Variants in RPH3A observed in about 807,000 individuals in gnomAD.
The protein encoded by RPH3A is rabphilin-3A.
In RPH3A, 48 loss-of-function variants were observed where a neutral mutation model predicts 102.2. That is an observed-to-expected ratio of 0.47 (90% confidence interval 0.37 to 0.60). The LOEUF is 0.60. Ranked by LOEUF, RPH3A falls within the 20% of genes least tolerant of loss-of-function variation. RPH3A has a pLI of 0.00. For missense variants in RPH3A, 781 were observed against 910.1 expected (o/e 0.86, Z 1.83); for synonymous variants, 310 against 324.3 (o/e 0.96, Z 0.47).
At chr12:112,603,370 G>A (rs2039571766) in intron 1 of RPH3A, among the ~76,000 whole-genome samples, 1 of 152,138 alleles carries the variant, frequency 6.6e-6, no homozygotes, top group Non-Finnish European at 1.5e-5. Context: ...GCACAAGAAA[G>A]AATTCTGGGT....
intron 4 of RPH3A, among the ~76,000 whole-genome samples, chr12:112,844,154 G>T (rs2042192522): frequency 6.6e-6 from 1 of 152,186 alleles, no homozygotes; most frequent in Admixed American, 6.5e-5. Context: ...CCCTGACCCT[G>T]GGTGTGGGCA....
intron 4 of RPH3A, among the ~76,000 whole-genome samples, chr12:112,840,056 T>C (rs2042116110): frequency 6.6e-6 from 1 of 152,198 alleles, no homozygotes; most frequent in Non-Finnish European, 1.5e-5. Context: ...TCACATGGCA[T>C]AGGGCATGGA....
intron 2 of RPH3A, among the ~76,000 whole-genome samples, chr12:112,805,059 C>A (rs948139648): frequency 2.0e-5 from 3 of 152,098 alleles, no homozygotes; most frequent in African/African-American, 7.2e-5. Context: ...AAACCTCTAT[C>A]CTGACCATAT....
rs1287723013 is a variant in RPH3A, at chr12:112,868,579, C to T, written c.594C>T (p.Ala198=). 6.2e-7 allele frequency: 1 copy of T among 1,614,048 alleles called. No individual in the cohort carries two copies. Among genetic ancestry groups the T allele is most frequent in the Non-Finnish European group, 8.5e-7 (1 of 1,179,974 alleles). Residue 198 remains alanine (A), a synonymous_variant, in exon 8 of 22, where the codon GCC becomes GCT. Coordinates refer to ENST00000389385, the MANE Select transcript of RPH3A (RefSeq NM_001143854.2). ...EQPAPEPKHP[A]RAPARGDSED... is the part of the protein sequence containing the mutation. ...CTGCTCCTGAGCCCAAGCACCCTGC[C>T]CGGGCTCCAGCTCGAGGTAGGACAA...
intron 7 of RPH3A, chr12:112,868,165 A>G: frequency 7.3e-6 from 3 of 408,622 alleles, no homozygotes; most frequent in Non-Finnish European, 1.3e-5. Context: ...CTATTGGACC[A>G]GTCCTTAAGA....
At chr12:112,697,356 C>T (rs775476310) in intron 1 of RPH3A, among the ~76,000 whole-genome samples, 1 of 152,036 alleles carries the variant, frequency 6.6e-6, no homozygotes, top group Non-Finnish European at 1.5e-5. Flanking sequence ...GATTTTAAAA[C>T]AACACTATTT....
At chr12:112,662,630 G>T (rs2040056391) in intron 1 of RPH3A, among the ~76,000 whole-genome samples, 1 of 152,128 alleles carries the variant, frequency 6.6e-6, no homozygotes, top group African/African-American at 2.4e-5. Flanking sequence ...TCTCTCAATT[G>T]CTGAATGCTA....
At position 112,866,869 on chromosome 12, in the gene RPH3A, A is replaced by C. The variant is rs374257796; in HGVS notation, c.444+29A>C. The C allele has an allele frequency of 3.2e-6, 5 of 1,566,604 alleles. No individual in the cohort carries two copies. The African/African-American group carries it at 4.1e-5, about 13-fold the overall frequency. On this transcript the variant is annotated intron_variant, in intron 7 of 21. Coordinates refer to ENST00000389385, the MANE Select transcript of RPH3A (RefSeq NM_001143854.2). ...AGTGCCCTGGTCCCACCTGGTGCCT[A>C]GATCACCCTCCTTTCTTGGCCAGCT...
At chr12:112,838,175 G>A (rs188623903) in intron 4 of RPH3A, among the ~76,000 whole-genome samples, 60 of 152,380 alleles carry the variant, frequency 3.9e-4, no homozygotes, top group African/African-American at 1.3e-3. Context: ...AAGAAGTGAT[G>A]TGTAAGCTGA....
intron 3 of RPH3A, among the ~76,000 whole-genome samples, chr12:112,836,129 G>A (rs973635745): frequency 6.6e-6 from 1 of 152,154 alleles, no homozygotes; most frequent in Non-Finnish European, 1.5e-5. Context: ...ACCTAGTATG[G>A]TCCTTGTCCC....
At chr12:112,819,325 C>G (rs555982571) in intron 2 of RPH3A, among the ~76,000 whole-genome samples, 2 of 152,186 alleles carry the variant, frequency 1.3e-5, no homozygotes, top group East Asian at 3.9e-4. Flanking sequence ...CAAGGCTGGT[C>G]TCGAACTCCT....
chr12:112,737,101 G>C (rs915446069), intron 1 of RPH3A, among the ~76,000 whole-genome samples: 1 of 148,524 alleles, frequency 6.7e-6, no homozygotes, highest in Non-Finnish European at 1.5e-5. Flanking sequence ...GTTGCAGTGA[G>C]CCGAGATTGT....
At chr12:112,738,159 G>C (rs1368109751) in intron 1 of RPH3A, among the ~76,000 whole-genome samples, 4 of 151,236 alleles carry the variant, frequency 2.6e-5, no homozygotes, top group African/African-American at 9.7e-5. Flanking sequence ...ATATCTCTGT[G>C]TGTTCATTCC....
rs745574879 is a variant in RPH3A, at chr12:112,890,086, C to A, written c.1620+6C>A. Reference sequence around the variant, plus strand: ...TGGCCCTTTATGAGGAAGAGGTGAGCACTGAGCAGGAATTGAAGCCACAGT... The same window carrying A: ...TGGCCCTTTATGAGGAAGAGGTGAGAACTGAGCAGGAATTGAAGCCACAGT... On this transcript the variant is annotated splice_donor_region_variant and intron_variant, in intron 18 of 21. Coordinates refer to ENST00000389385, the MANE Select transcript of RPH3A (RefSeq NM_001143854.2). 2.5e-6 allele frequency: 4 copies of A among 1,612,958 alleles called. No homozygotes were observed. Among genetic ancestry groups the A allele is most frequent in the South Asian group, 1.1e-5 (1 of 91,062 alleles).
At chr12:112,857,297 G>T (rs1179119036) in intron 5 of RPH3A, among the ~76,000 whole-genome samples, 1 of 152,072 alleles carries the variant, frequency 6.6e-6, no homozygotes, top group Non-Finnish European at 1.5e-5. Flanking sequence ...CAAAACAATG[G>T]CCTCCCCCAA....
intron 1 of RPH3A, among the ~76,000 whole-genome samples, chr12:112,756,096 A>G (rs1447413451): frequency 6.6e-6 from 1 of 152,174 alleles, no homozygotes; most frequent in Admixed American, 6.5e-5. Context: ...AAAAGAGAGG[A>G]TTTTGAATGT....
chr12:112,770,572 G>A (rs186792210), intron 1 of RPH3A, among the ~76,000 whole-genome samples: 4 of 152,164 alleles, frequency 2.6e-5, no homozygotes, highest in East Asian at 1.9e-4. Context: ...TCGAACTCCC[G>A]AGCTCATGTG....
In RPH3A at chr12:112,767,121, G is replaced by A. The variant is rs149127877; in HGVS notation, c.-139-25022G>A. Among the ~76,000 whole-genome samples, 1,315 of 152,272 alleles carry A rather than the reference G, an allele frequency of 8.6e-3. 15 individuals are homozygous for A. Among genetic ancestry groups the A allele is most frequent in the African/African-American group, 0.03 (1,257 of 41,550 alleles). The stretch of plus-strand genomic sequence containing the variant: ...CTCATGCAAAGATGGCAAAGACAGG[G>A]GCCCCACAGCTTCCTCTTTGATATA... On this transcript the variant is annotated intron_variant, in intron 1 of 21. Transcript: ENST00000543106.
chr12:112,805,581 A>T (rs1035107291), intron 2 of RPH3A, among the ~76,000 whole-genome samples: 1 of 152,160 alleles, frequency 6.6e-6, no homozygotes, highest in Non-Finnish European at 1.5e-5. Context: ...ATCCTTCCTG[A>T]TTTGACTTAA....
Sources: allele counts gnomAD v4.1 joint callset (sites outside exome capture counted in the v4.1 genomes callset), GRCh38; gene constraint gnomAD v4.1.1; transcripts MANE v1.5; gene names NCBI Gene and HGNC (gene_info 2026-07-23, HGNC 2026-07-21).